The following XAGE5 variants were observed in gnomAD, a reference collection of about 807,000 sequenced individuals.
The protein encoded by XAGE5 is G antigen, family D, 5.
Under a neutral mutation model 13.1 loss-of-function variants are expected in XAGE5, and 13 were observed. The observed-to-expected ratio is 0.99, with a 90% CI of 0.64 to 1.57. The LOEUF (loss-of-function observed/expected upper bound fraction) is 1.57, where lower values mean the gene tolerates loss of function less well. XAGE5 is among the 40% of genes most tolerant of loss of function. The pLI is 0.00. For synonymous variants in XAGE5, 17 were observed against 25.0 expected (o/e 0.68, Z 0.96); for missense variants, 86 against 77.6 (o/e 1.11, Z -0.41).
intron 5 of XAGE5, among the ~76,000 whole-genome samples, chrX:52,816,368 C>T (rs1195128476): frequency 1.8e-5 from 2 of 112,252 alleles, no homozygotes; most frequent in Non-Finnish European, 3.8e-5. Context: ...TTTTGTGGCC[C>T]ATGAAGTAGG....
rs140947497 is a variant in XAGE5, at chrX:52,817,935, C to A, written c.305-256C>A. Among the ~76,000 whole-genome samples, 52 of 111,661 alleles carry A rather than the reference C, an allele frequency of 4.7e-4. No individual in the cohort carries two copies. The East Asian group carries it at 0.014, about 30-fold the overall frequency. On this transcript the variant is annotated intron_variant, in intron 5 of 5. Coordinates refer to ENST00000375501, the MANE Select transcript of XAGE5 (RefSeq NM_001386970.1). ...TGCACTTGATTTAATGTGATCTGAC[C>A]TCAGACTGTCTTTTGGTTTCCTTCT...
intron 2 of XAGE5, chrX:52,812,310 G>A: frequency 3.3e-6 from 1 of 303,961 alleles, no homozygotes; most frequent in Non-Finnish European, 5.8e-6. Context: ...TTTTGCTCTT[G>A]TTGCCCAGGC....
chrX:52,813,729 G>A (rs1171625379), intron 4 of XAGE5, among the ~76,000 whole-genome samples: 8 of 111,468 alleles, frequency 7.2e-5, no homozygotes, highest in African/African-American at 2.0e-4. Flanking sequence ...GAGGCCGGGC[G>A]TGGTGCCTCA....
At chrX:52,813,373 T>C (rs1926842432) in intron 4 of XAGE5, 128 bp downstream of exon 4, 2 of 652,521 alleles carry the variant, frequency 3.1e-6, no homozygotes, top group Non-Finnish European at 4.7e-6. Flanking sequence ...TTGCTGAGAG[T>C]TTTGCAAGAG....
At chrX:52,815,003 T>C in intron 4 of XAGE5, 89 bp from the exon 5 acceptor site, 1 of 1,082,934 alleles carries the variant, frequency 9.2e-7, no homozygotes, top group Non-Finnish European at 1.3e-6. Flanking sequence ...TAGGCTTTTA[T>C]TGCACAACAC....
Position 52,815,141 on chromosome X carries a change from G to C in XAGE5, c.228G>C (p.Gly76=), listed in dbSNP as rs1556777941. 3 of 1,210,910 alleles carry C rather than the reference G, an allele frequency of 2.5e-6. No individual in the cohort carries two copies. The East Asian group carries it at 8.9e-5, about 36-fold the overall frequency. ...DLQELSQSKT[G]DECGDSPDVQ... ...AGGAGCTGTCTCAGTCAAAGACTGG[G>C]GATGAATGCGGAGATAGTCCTGATG... The change falls in exon 5 of 6, where the codon GGG becomes GGC. Residue 76 remains glycine (G), a synonymous_variant. Coordinates refer to ENST00000375501, the MANE Select transcript of XAGE5 (RefSeq NM_001386970.1).
chrX:52,813,092 A>G (rs782149560), intron 3 of XAGE5, 48 bp from the exon 4 acceptor site: 2 of 1,114,960 alleles, frequency 1.8e-6, no homozygotes, highest in Admixed American at 2.3e-5. Flanking sequence ...GATAAGAAAA[A>G]TTTTTTATCT....
chrX:52,812,505 C>G, intron 2 of XAGE5, 54 bp from the exon 3 acceptor site: 1 of 1,106,704 alleles, frequency 9.0e-7, no homozygotes, highest in Non-Finnish European at 1.2e-6. Flanking sequence ...AGCTTCTGAC[C>G]TCAGGTGATC....
At chrX:52,816,959 T>A (rs1926916056) in intron 5 of XAGE5, among the ~76,000 whole-genome samples, 1 of 111,859 alleles carries the variant, frequency 8.9e-6, no homozygotes, top group Non-Finnish European at 1.9e-5. Flanking sequence ...ATGAAAGGTA[T>A]GAATCATTAA....
At position 52,813,324 on chromosome X, in the gene XAGE5, A is replaced by T. The variant is rs1420849981; in HGVS notation, c.178+79A>T. ...ATCACGCCTTATGCCATGACCAGTA[A>T]CAGGAGGAAAGAAAGCAATAGGAAA... On this transcript the variant is annotated intron_variant, in intron 4 of 5. Coordinates refer to ENST00000375501, the MANE Select transcript of XAGE5 (RefSeq NM_001386970.1). 3.2e-6 allele frequency: 3 copies of T among 942,433 alleles called. No individual in the cohort carries two copies. The African/African-American group carries it at 5.9e-5, about 18-fold the overall frequency. 77.7% of individuals were successfully genotyped at this position (942,433 alleles called of 1,213,427 possible). A position where few individuals can be genotyped will look rare whatever the true frequency, so the allele number is the denominator to read the frequency against.
intron 2 of XAGE5, 194 bp from the exon 3 acceptor site, chrX:52,812,365 C>T (rs1175934330): frequency 2.8e-6 from 1 of 358,820 alleles, no homozygotes; most frequent in African/African-American, 2.6e-5. Flanking sequence ...CATTCGCCCC[C>T]CGGTTCAAGT....
At chrX:52,813,036 CAGAAGTATCTGTGTAATCTGTA>C in intron 3 of XAGE5, 82 bp from the exon 4 acceptor site, 1 of 605,751 alleles carries the variant, frequency 1.7e-6, no homozygotes, top group South Asian at 2.5e-5. Context: ...TGCATATGAT[CAGAAGTATCTGTGTAATCTGTA>C]TATTCATATT....
At chrX:52,813,626 G>A (rs1213553019) in intron 4 of XAGE5, among the ~76,000 whole-genome samples, 1 of 111,673 alleles carries the variant, frequency 9.0e-6, no homozygotes, top group Non-Finnish European at 1.9e-5. Context: ...CCCTTTGATA[G>A]CATGTGGAGT....
At position 52,813,238 on chromosome X, in the gene XAGE5, G is replaced by A. The variant is rs782672953; in HGVS notation, c.171G>A (p.Glu57=). The change falls in exon 4 of 6, where the codon GAG becomes GAA. Residue 57 remains glutamate, a synonymous_variant. Coordinates refer to ENST00000375501, the MANE Select transcript of XAGE5 (RefSeq NM_001386970.1). ...QKREDDQGAA[E]IQVPNLEADL... ...GAGAAGATGATCAGGGTGCAGCTGAGATTCAAGGTGCTGGGAAGGGAAAGA... is the reference window on the plus strand; with the variant it reads ...GAGAAGATGATCAGGGTGCAGCTGAAATTCAAGGTGCTGGGAAGGGAAAGA... The A allele has an allele frequency of 1.7e-6, 2 of 1,209,178 alleles. No individual in the cohort carries two copies. Among genetic ancestry groups the A allele is most frequent in the Non-Finnish European group, 1.1e-6 (1 of 893,706 alleles).
At chrX:52,814,927 C>A in intron 4 of XAGE5, 165 bp from the exon 5 acceptor site, 1 of 543,491 alleles carries the variant, frequency 1.8e-6, no homozygotes, top group Non-Finnish European at 2.9e-6. Context: ...GACTTATCCT[C>A]AGATTGTCAT....
intron 3 of XAGE5, 41 bp downstream of exon 3, chrX:52,812,679 T>C (rs1926823275): frequency 8.7e-7 from 1 of 1,149,580 alleles, no homozygotes; most frequent in African/African-American, 1.8e-5. Context: ...CTAGCAGAAA[T>C]TTTTTTGTGT....
At chrX:52,813,907 G>T (rs1556777719) in intron 4 of XAGE5, among the ~76,000 whole-genome samples, 1 of 111,510 alleles carries the variant, frequency 9.0e-6, no homozygotes, top group Non-Finnish European at 1.9e-5. Context: ...GTAGGCTGAG[G>T]CAGGAGAATT....
chrX:52,812,634 T>G lies in XAGE5; in HGVS notation c.68T>G (p.Met23Arg), dbSNP rs1556777504. 1 of 1,210,430 alleles carries G rather than the reference T, an allele frequency of 8.3e-7. No homozygotes were observed. Among genetic ancestry groups the G allele is most frequent in the Admixed American group, 2.2e-5 (1 of 45,704 alleles). The stretch of plus-strand genomic sequence containing the variant: ...CGACTTGCTCAGCTGGTTGGGCCTA[T>G]GCTTGTGAGTGACTTCACATTCGAT... Reference protein sequence around the residue: ...CLRLAQLVGPMLEPSVPEPQQ... With the variant: ...CLRLAQLVGPRLEPSVPEPQQ... The change falls in exon 3 of 6, where the codon ATG becomes AGG. Residue 23 changes from methionine to arginine, a missense_variant. Physicochemically the swap from Met to Arg is moderately conservative, Grantham distance 91. Coordinates refer to ENST00000375501, the MANE Select transcript of XAGE5 (RefSeq NM_001386970.1).
intron 4 of XAGE5, among the ~76,000 whole-genome samples, chrX:52,813,622 G>A (rs1262458924): frequency 2.7e-5 from 3 of 111,778 alleles, no homozygotes; most frequent in Middle Eastern, 4.6e-3. Flanking sequence ...AGCACCCTTT[G>A]ATAGCATGTG....
Sources: allele counts gnomAD v4.1 joint callset (sites outside exome capture counted in the v4.1 genomes callset), GRCh38; gene constraint gnomAD v4.1.1; transcripts MANE v1.5; gene names NCBI Gene and HGNC (gene_info 2026-07-23, HGNC 2026-07-21).